Variants in PLEKHA1 observed in about 807,000 individuals in gnomAD.
PLEKHA1 encodes the protein pleckstrin homology domain containing A1, also known as pleckstrin homology domain-containing family A member 1.
PLEKHA1 carries 34 observed loss-of-function variants against 52.0 expected under a neutral mutation model. That is an observed-to-expected ratio of 0.65 (90% CI 0.50 to 0.87). PLEKHA1 has a LOEUF of 0.87. Among genes scored for constraint, PLEKHA1 ranks in the 40% least tolerant of loss-of-function variants. PLEKHA1 has a pLI of 0.00. For synonymous variants in PLEKHA1, 163 were observed against 170.7 expected (o/e 0.95, Z 0.35); for missense variants, 497 against 504.2 (o/e 0.99, Z 0.14).
chr10:122,434,516 T>C (rs2097431013), downstream of PLEKHA1: 1 of 152,188 alleles, frequency 6.6e-6, no homozygotes, highest in African/African-American at 2.4e-5. Context: ...GGATAAAAGC[T>C]ACATCTGTCT....
intron 8 of PLEKHA1, chr10:122,421,955 C>T (rs1437588017): frequency 6.8e-6 from 1 of 148,132 alleles, no homozygotes; most frequent in East Asian, 2.1e-4. Flanking sequence ...AGATAAAGTA[C>T]AAGCTGAGCT....
intron 4 of PLEKHA1, among the ~76,000 whole-genome samples, chr10:122,404,541 G>T (rs1205655080): frequency 2.0e-5 from 3 of 152,196 alleles, no homozygotes; most frequent in Admixed American, 2.0e-4. Flanking sequence ...GGAGAGCTCT[G>T]CTTCAGCCTA....
chr10:122,400,335 C>CT lies in PLEKHA1; in HGVS notation c.199-3dup, dbSNP rs761367931. On this transcript the variant is annotated splice_region_variant and splice_polypyrimidine_tract_variant and intron_variant, in intron 3 of 11. Coordinates refer to ENST00000368990, the MANE Select transcript of PLEKHA1 (RefSeq NM_001001974.4). ...AAGTGAGGAACCCGTCTCTATTTTT[C>CT]TTTTTAGGTTAGCGATGCTACTAAG... 1.9e-6 allele frequency: 3 copies of CT among 1,598,968 alleles called. No homozygotes were observed. The highest frequency in any genetic ancestry group is 2.6e-6 in the Non-Finnish European group (3 of 1,174,910).
rs1590704565 is a variant in PLEKHA1 at position 122,410,151 on chromosome 10, C to T, written c.343-2769C>T. Among the ~76,000 whole-genome samples, 5 of 152,274 alleles carry T rather than the reference C, an allele frequency of 3.3e-5. No individual in the cohort carries two copies. In the Middle Eastern group the frequency reaches 0.014, roughly 414 times the overall value. ...CCTTTAACTTTTGAGAAACCTGCAG[C>T]GTTTTTATGTATTTCACTCATAAAT... On this transcript the variant is annotated intron_variant, in intron 5 of 11. Transcript: ENST00000368990.
rs1802443311 is a variant in PLEKHA1 at position 122,432,334 on chromosome 10, G to A, written c.*2396G>A. ...TTGAACACTGTAATGAGAATAAACT[G>A]CACAGAGTTTATTCTGACTTATTTC... On this transcript the variant is annotated 3_prime_UTR_variant, in exon 12 of 12. Transcript: ENST00000368990. The A allele has an allele frequency of 6.6e-6, 1 of 152,110 alleles. No individual in the cohort carries two copies. Among genetic ancestry groups the A allele is most frequent in the African/African-American group, 2.4e-5 (1 of 41,428 alleles). The allele number at this position is 152,110 out of a possible 1,614,324, so 9.4% of individuals were successfully genotyped here. A position where few individuals can be genotyped will look rare whatever the true frequency, so the allele number is the denominator to read the frequency against.
At chr10:122,386,128 A>G (rs546478264) in intron 1 of PLEKHA1, among the ~76,000 whole-genome samples, 3 of 152,182 alleles carry the variant, frequency 2.0e-5, no homozygotes, top group South Asian at 2.1e-4. Flanking sequence ...TTTATTTCAC[A>G]TCTTTGACAG....
chr10:122,375,115 C>T (rs1056932831), intron 1 of PLEKHA1, among the ~76,000 whole-genome samples: 1 of 151,868 alleles, frequency 6.6e-6, no homozygotes, highest in African/African-American at 2.4e-5. Flanking sequence ...CCGACGTCAG[C>T]CCTCAGCGGC....
At position 122,430,693 on chromosome 10, in the gene PLEKHA1, C is replaced by T. The variant is rs972952536; in HGVS notation, c.*755C>T. ...TTTTTGGGAGATCTGATTTTCTTAT[C>T]CAAGTTTTGTAAATAGTTGTTATTT... is the stretch of plus-strand genomic sequence containing the variant. On this transcript the variant is annotated 3_prime_UTR_variant, in exon 12 of 12. Transcript: ENST00000368990. 6 of 152,140 alleles carry T rather than the reference C, an allele frequency of 3.9e-5. No homozygotes were observed. Among genetic ancestry groups the T allele is most frequent in the Non-Finnish European group, 7.4e-5 (5 of 68,026 alleles). The allele number at this position is 152,140 out of a possible 1,614,324, so 9.4% of individuals were successfully genotyped here.
intron 3 of PLEKHA1, among the ~76,000 whole-genome samples, chr10:122,399,242 A>G (rs569252724): frequency 2.8e-4 from 42 of 152,302 alleles, no homozygotes; most frequent in Admixed American, 2.2e-3. Context: ...GTTGGGATCA[A>G]TGAGGAACCC....
In PLEKHA1 at chr10:122,393,301, C is replaced by T. The variant is rs1473149636; in HGVS notation, c.101C>T (p.Thr34Ile). 6.2e-7 allele frequency: 1 copy of T among 1,612,270 alleles called. No individual in the cohort carries two copies. Among genetic ancestry groups the T allele is most frequent in the Non-Finnish European group, 8.5e-7 (1 of 1,179,220 alleles). ...CTTCGAAGGTACTTCATACTGGATA[C>T]CAGAGAAGATAGTTTCGTGTGGTAC... ...KFLRRYFILD[T>I]REDSFVWYMD... Residue 34 changes from threonine (T) to isoleucine (I), a missense_variant, in exon 2 of 12, where the codon ACC becomes ATC. By Grantham distance (89) the Thr-to-Ile change is moderately conservative. Coordinates refer to ENST00000368990, the MANE Select transcript of PLEKHA1 (RefSeq NM_001001974.4). This position sits in a 1 kb window ranked among gnomAD's most constrained non-coding sequence, Gnocchi z 4.5.
chr10:122,378,932 C>T (rs2096576328), intron 1 of PLEKHA1, among the ~76,000 whole-genome samples: 1 of 151,990 alleles, frequency 6.6e-6, no homozygotes, highest in Admixed American at 6.6e-5. Context: ...TTTCCTTTCC[C>T]TCTTAAGGGA....
chr10:122,441,452 A>C, the PLEKHA1 span: 2 of 152,940 alleles, frequency 1.3e-5, no homozygotes, highest in African/African-American at 4.8e-5. Context: ...CCTGGGCAAC[A>C]GAGTGAGACC....
chr10:122,424,412 A>T, intron 9 of PLEKHA1, 149 bp downstream of exon 9: 1 of 881,526 alleles, frequency 1.1e-6, no homozygotes, highest in Non-Finnish European at 1.6e-6. Context: ...AGAATTTTCA[A>T]AACCCTCAGA....
At position 122,393,063 on chromosome 10, in the gene PLEKHA1, A is replaced by G. The variant is rs917471220; in HGVS notation, c.-20-118A>G. On this transcript the variant is annotated intron_variant, in intron 1 of 11. Transcript: ENST00000368990. The surrounding 1 kb of genome is among the most constrained non-coding windows in gnomAD (Gnocchi z 4.5). Reference sequence around the variant, plus strand: ...ATGCCTCAGATGTTGGTGTGTGTTCATTTTAATTGACCTTACCTAATGTTG... The same window carrying G: ...ATGCCTCAGATGTTGGTGTGTGTTCGTTTTAATTGACCTTACCTAATGTTG... 1.4e-5 allele frequency: 10 copies of G among 707,052 alleles called. No individual in the cohort carries two copies. Among genetic ancestry groups the G allele is most frequent in the Non-Finnish European group, 2.2e-5 (10 of 455,258 alleles). The allele number at this position is 707,052 out of a possible 1,614,324, so 43.8% of individuals were successfully genotyped here. A position where few individuals can be genotyped will look rare whatever the true frequency, so the allele number is the denominator to read the frequency against.
chr10:122,406,701 G>A (rs778904317), intron 5 of PLEKHA1, 28 bp downstream of exon 5: 58 of 1,467,388 alleles, frequency 4.0e-5, no homozygotes, highest in Admixed American at 8.7e-5. Flanking sequence ...TTTGAAAAAC[G>A]TTCGATGTCT....
At chr10:122,392,659 C>T (rs540764535) in intron 1 of PLEKHA1, among the ~76,000 whole-genome samples, 1 of 152,222 alleles carries the variant, frequency 6.6e-6, no homozygotes, top group African/African-American at 2.4e-5. Flanking sequence ...ATCACTTCCC[C>T]TGTGTATTAA....
chr10:122,419,167 T>C (rs540208918), intron 8 of PLEKHA1: 9 of 152,340 alleles, frequency 5.9e-5, no homozygotes, highest in Admixed American at 3.9e-4. Context: ...ATATGCCCTG[T>C]GGTACCCTAT....
rs1435944300 is a variant in PLEKHA1 at position 122,425,259 on chromosome 10, A to G, written c.810+300A>G. The G allele has an allele frequency of 1.8e-5, 4 of 226,718 alleles. No homozygotes were observed. The East Asian group carries it at 3.5e-4, about 20-fold the overall frequency. 14.0% of individuals were successfully genotyped at this position (226,718 alleles called of 1,614,324 possible). ...TGGATTATTTTTGCACATGTTTTAG[A>G]ATTTTGATTTTTCTATTATATCATT... On this transcript the variant is annotated intron_variant, in intron 10 of 11. Coordinates refer to ENST00000368990, the MANE Select transcript of PLEKHA1 (RefSeq NM_001001974.4).
the PLEKHA1 span, chr10:122,440,163 G>A: frequency 1.3e-5 from 2 of 152,108 alleles, no homozygotes; most frequent in African/African-American, 2.4e-5. Context: ...GGTAACAGGA[G>A]GCCATCCAAA....
Sources: allele counts gnomAD v4.1 joint callset (sites outside exome capture counted in the v4.1 genomes callset), GRCh38; gene constraint gnomAD v4.1.1; non-coding constraint Gnocchi (gnomAD v3.1); transcripts MANE v1.5; gene names NCBI Gene and HGNC (gene_info 2026-07-23, HGNC 2026-07-21).